The following PRKCB variants were observed in gnomAD, a reference collection of about 807,000 sequenced individuals.
The protein encoded by PRKCB is protein kinase C beta type.
Under a neutral mutation model 81.5 loss-of-function variants are expected in PRKCB, and 13 were observed. That is an observed-to-expected ratio of 0.16 (90% CI 0.10 to 0.25). The LOEUF (loss-of-function observed/expected upper bound fraction) is 0.25, where lower values mean the gene tolerates loss of function less well. PRKCB is among the 10% of genes least tolerant of loss of function. The pLI is 1.00. For synonymous variants in PRKCB, 335 were observed against 321.4 expected, an observed-to-expected ratio of 1.04 and a Z score of -0.45; for missense variants, 509 against 875.7, an observed-to-expected ratio of 0.58 and a Z score of 5.29.
intron 5 of PRKCB, among the ~76,000 whole-genome samples, chr16:24,036,440 T>C (rs1430652843): frequency 1.3e-5 from 2 of 152,184 alleles, no homozygotes; most frequent in Non-Finnish European, 2.9e-5. Flanking sequence ...CTGTGGACTT[T>C]ATATATCTAA....
Position 24,042,166 on chromosome 16 carries a change from T to C in PRKCB, c.529+6619T>C, listed in dbSNP as rs980107685. The stretch of plus-strand genomic sequence containing the variant: ...GGGTTTGTGTAATATTGCCCAGCCA[T>C]GCGTCAATTGCAGACAGAAAATTAT... On this transcript the variant is annotated intron_variant, in intron 5 of 16. Coordinates refer to ENST00000643927, the MANE Select transcript of PRKCB (RefSeq NM_002738.7). Among the ~76,000 whole-genome samples, 238 of 152,282 alleles carry C rather than the reference T, an allele frequency of 1.6e-3. 2 individuals are homozygous for C. Among genetic ancestry groups the C allele is most frequent in the African/African-American group, 5.2e-3 (218 of 41,560 alleles).
rs146630542 is a variant in PRKCB at position 23,993,570 on chromosome 16, A to G, written c.288+4980A>G. 1.3e-3 allele frequency among the ~76,000 whole-genome samples: 202 copies of G among 152,304 alleles called. 1 individual carries two copies. Among genetic ancestry groups the G allele is most frequent in the African/African-American group, 4.5e-3 (188 of 41,572 alleles). On this transcript the variant is annotated intron_variant, in intron 3 of 16. Transcript: ENST00000643927. The stretch of plus-strand genomic sequence containing the variant: ...TGTCTCTGTCAATACTTTGAGAAAT[A>G]TATTTGTGAGGGGAGCCCCAGCGTC...
chr16:23,996,597 C>T (rs1964960164), intron 3 of PRKCB, among the ~76,000 whole-genome samples: 1 of 152,206 alleles, frequency 6.6e-6, no homozygotes, highest in South Asian at 2.1e-4. Context: ...GATTTGCCTT[C>T]CCTGCCTGCA....
At chr16:24,050,546 C>T (rs374700967) in intron 5 of PRKCB, among the ~76,000 whole-genome samples, 62 of 152,200 alleles carry the variant, frequency 4.1e-4, no homozygotes, top group African/African-American at 1.4e-3. Context: ...AACAAGCACA[C>T]ACTCACAACC....
chr16:24,211,421 CACAACCCCAGTGTGATAGGAA>C (rs1474105884), intron 16 of PRKCB, among the ~76,000 whole-genome samples: 1 of 152,192 alleles, frequency 6.6e-6, no homozygotes. Flanking sequence ...ATCCTCATAT[CACAACCCCAGTGTGATAGGAA>C]TTAAAATTGC....
chr16:24,189,896 C>T (rs1258334790), intron 15 of PRKCB, among the ~76,000 whole-genome samples: 4 of 152,174 alleles, frequency 2.6e-5, no homozygotes, highest in Non-Finnish European at 5.9e-5. Flanking sequence ...GTGATGTCAA[C>T]TCTGGAAAGC....
chr16:23,852,630 T>A (rs1962494269), intron 2 of PRKCB, among the ~76,000 whole-genome samples: 1 of 152,212 alleles, frequency 6.6e-6, no homozygotes, highest in African/African-American at 2.4e-5. Flanking sequence ...ATAATGAGTT[T>A]AGAAATACTC....
chr16:24,135,950 A>C (rs1321632130), intron 9 of PRKCB, among the ~76,000 whole-genome samples: 1 of 151,994 alleles, frequency 6.6e-6, no homozygotes, highest in Non-Finnish European at 1.5e-5. Context: ...TGTTTCCTTA[A>C]TCCTCTTCCA....
intron 6 of PRKCB, among the ~76,000 whole-genome samples, chr16:24,093,690 C>T (rs567685187): frequency 5.3e-5 from 8 of 152,228 alleles, no homozygotes; most frequent in Admixed American, 3.9e-4. Flanking sequence ...TCTCCTCTTC[C>T]CTCTCTCAGG....
intron 2 of PRKCB, among the ~76,000 whole-genome samples, chr16:23,962,261 C>T (rs1284527158): frequency 6.6e-6 from 1 of 152,138 alleles, no homozygotes; most frequent in Non-Finnish European, 1.5e-5. Flanking sequence ...ACAACCCTCG[C>T]CACCTCCCAC....
rs563616555 is a variant in PRKCB, at chr16:24,220,415, T to C, written c.*5599T>C. On this transcript the variant is annotated 3_prime_UTR_variant, in exon 17 of 17. Coordinates refer to ENST00000643927, the MANE Select transcript of PRKCB (RefSeq NM_002738.7). ...TCTGATACCAAAATGCTTCAGTATT[T>C]GTAATTTTTCAAGTCAGAAGCTGAT... The C allele has an allele frequency of 2.8e-5, 6 of 214,806 alleles. No homozygotes were observed. Among genetic ancestry groups the C allele is most frequent in the African/African-American group, 1.1e-4 (5 of 43,788 alleles). 13.3% of individuals were successfully genotyped at this position (214,806 alleles called of 1,614,324 possible). A position where few individuals can be genotyped will look rare whatever the true frequency, so the allele number is the denominator to read the frequency against.
rs575144018 is a variant in PRKCB at position 23,975,469 on chromosome 16, C to T, written c.206-13039C>T. On this transcript the variant is annotated intron_variant, in intron 2 of 16. Coordinates refer to ENST00000643927, the MANE Select transcript of PRKCB (RefSeq NM_002738.7). ...TGTTGCATCAGCGAGGTGGATGTGC[C>T]TATCCTAAAGGCACCTACTGAGAAG... 3.9e-5 allele frequency among the ~76,000 whole-genome samples: 6 copies of T among 152,248 alleles called. No individual in the cohort carries two copies. In the South Asian group the frequency reaches 1.2e-3, roughly 32 times the overall value.
At position 24,094,287 on chromosome 16, in the gene PRKCB, G is replaced by A; in HGVS notation, c.811G>A (p.Val271Ile). Residue 271 changes from valine (V) to isoleucine (I), a missense_variant, in exon 7 of 17, where the codon GTT becomes ATT. By Grantham distance (29) the Val-to-Ile change is conservative (BLOSUM62 3). Around this residue, in one of 6 missense-constraint regions of PRKCB, gnomAD observed 184 missense variants for 362.9 expected, o/e 0.51. Transcript: ENST00000643927. ...FGISELQKAS[V>I]DGWFKLLSQE... Reference sequence around the variant, plus strand: ...GATTTCTGAACTTCAGAAAGCCAGTGTTGATGGCTGGTAAGTAAGATTTTG... The same window carrying A: ...GATTTCTGAACTTCAGAAAGCCAGTATTGATGGCTGGTAAGTAAGATTTTG... 1 of 1,614,102 alleles carries A rather than the reference G, an allele frequency of 6.2e-7. No homozygotes were observed. The highest frequency in any genetic ancestry group is 1.1e-5 in the South Asian group (1 of 91,070).
At chr16:23,931,827 C>T (rs561971568) in intron 2 of PRKCB, among the ~76,000 whole-genome samples, 34 of 152,176 alleles carry the variant, frequency 2.2e-4, no homozygotes, top group Non-Finnish European at 5.9e-5. Flanking sequence ...ATTTCCTTAA[C>T]AATGATCAAT....
At chr16:24,064,775 T>G (rs1470857704) in intron 5 of PRKCB, among the ~76,000 whole-genome samples, 1 of 151,966 alleles carries the variant, frequency 6.6e-6, no homozygotes, top group Non-Finnish European at 1.5e-5. Flanking sequence ...ATAATTGATA[T>G]CTCCTCGGTG....
At chr16:24,035,398 C>A in intron 4 of PRKCB, 21 bp from the exon 5 acceptor site, 2 of 1,611,416 alleles carry the variant, frequency 1.2e-6, no homozygotes, top group South Asian at 1.1e-5. Context: ...TAAGCCACAT[C>A]CCCTCTCTCT....
At chr16:24,135,403 C>T (rs1966861599) in intron 9 of PRKCB, among the ~76,000 whole-genome samples, 1 of 150,804 alleles carries the variant, frequency 6.6e-6, no homozygotes, top group African/African-American at 2.4e-5. Context: ...CACTGCACCT[C>T]CCAGGTTCAA....
At chr16:24,054,345 C>T (rs1965879627) in intron 5 of PRKCB, among the ~76,000 whole-genome samples, 1 of 152,188 alleles carries the variant, frequency 6.6e-6, no homozygotes, top group Non-Finnish European at 1.5e-5. Flanking sequence ...TTAACTTTGT[C>T]TTTTGTAGAG....
At chr16:24,104,747 G>A (rs770879673) in intron 7 of PRKCB, among the ~76,000 whole-genome samples, 13 of 152,178 alleles carry the variant, frequency 8.5e-5, no homozygotes, top group Non-Finnish European at 1.2e-4. Flanking sequence ...GAGTGCACCC[G>A]GCAAGTTGGA....
Sources: allele counts gnomAD v4.1 joint callset (sites outside exome capture counted in the v4.1 genomes callset), GRCh38; gene constraint gnomAD v4.1.1; regional missense constraint gnomAD v4.1.1; transcripts MANE v1.5; gene names NCBI Gene and HGNC (gene_info 2026-07-23, HGNC 2026-07-21).